Variants in YTHDF3 observed in about 807,000 individuals in gnomAD.
YTHDF3 encodes YTH domain-containing family protein 3.
YTHDF3 carries 9 observed loss-of-function variants against 52.5 expected under a neutral mutation model. The ratio of observed to expected loss-of-function variants is 0.17; its 90% CI spans 0.10 to 0.30. YTHDF3 has a LOEUF of 0.30. Ranked by LOEUF, YTHDF3 falls within the 10% of genes least tolerant of loss-of-function variation. The pLI is 1.00. For synonymous variants in YTHDF3, 274 were observed against 243.3 expected (o/e 1.13, Z -1.18); for missense variants, 534 against 715.0 (o/e 0.75, Z 2.89).
At chr8:63,177,289 A>G (rs968681553) in intron 3 of YTHDF3, among the ~76,000 whole-genome samples, 1 of 152,186 alleles carries the variant, frequency 6.6e-6, no homozygotes, top group African/African-American at 2.4e-5. Context: ...GTTCAACCTC[A>G]TCTACCTCTT....
intron 4 of YTHDF3, among the ~76,000 whole-genome samples, chr8:63,206,372 G>T (rs1810033418): frequency 6.6e-6 from 1 of 152,100 alleles, no homozygotes; most frequent in South Asian, 2.1e-4. Context: ...TGTAACTCCT[G>T]TTCTTTTGCC....
At chr8:63,173,972 T>C (rs1461629743) in intron 2 of YTHDF3, among the ~76,000 whole-genome samples, 1 of 152,160 alleles carries the variant, frequency 6.6e-6, no homozygotes, top group Non-Finnish European at 1.5e-5. Flanking sequence ...CATCATATCT[T>C]TGATCTTTGC....
chr8:63,190,426 T>G (rs1203412695), intron 4 of YTHDF3, among the ~76,000 whole-genome samples: 1 of 152,160 alleles, frequency 6.6e-6, no homozygotes, highest in East Asian at 1.9e-4. Flanking sequence ...AGCTGTATTA[T>G]TATATATATT....
At chr8:63,193,915 G>A (rs553262178) in intron 4 of YTHDF3, among the ~76,000 whole-genome samples, 10 of 152,180 alleles carry the variant, frequency 6.6e-5, no homozygotes, top group Middle Eastern at 3.4e-3. Flanking sequence ...AAGCAGTTTT[G>A]TATTTTCCTG....
Position 63,168,652 on chromosome 8 carries a change from C to G in YTHDF3, c.-226C>G, listed in dbSNP as rs554395869. 659 of 772,464 alleles carry G rather than the reference C, an allele frequency of 8.5e-4. 3 individuals are homozygous for G. The highest frequency in any genetic ancestry group is 3.7e-3 in the South Asian group (212 of 57,664). 47.9% of individuals were successfully genotyped at this position (772,464 alleles called of 1,614,324 possible). A position where few individuals can be genotyped will look rare whatever the true frequency, so the allele number is the denominator to read the frequency against. On this transcript the variant is annotated 5_prime_UTR_variant, in exon 1 of 5. Coordinates refer to ENST00000539294, the MANE Select transcript of YTHDF3 (RefSeq NM_152758.6). Reference sequence around the variant, plus strand: ...AGGGAGTCTGTCCGCCATTGTGGACCCGAGAAGCAGAGAGCGAGAGGGGGA... The same window carrying G: ...AGGGAGTCTGTCCGCCATTGTGGACGCGAGAAGCAGAGAGCGAGAGGGGGA...
rs556907463 is a variant in YTHDF3, at chr8:63,193,984, A to G, written c.1734+6239A>G. Among the ~76,000 whole-genome samples, 4 of 152,210 alleles carry G rather than the reference A, an allele frequency of 2.6e-5. No individual in the cohort carries two copies. The East Asian group carries it at 7.7e-4, about 29-fold the overall frequency. ...AGTTGTTTTCTGGGATACATACCTA[A>G]TAGAAACTTTCATGTATAAGAATGT... is the stretch of plus-strand genomic sequence containing the variant. On this transcript the variant is annotated intron_variant, in intron 4 of 4. Coordinates refer to ENST00000539294, the MANE Select transcript of YTHDF3 (RefSeq NM_152758.6).
intron 3 of YTHDF3, among the ~76,000 whole-genome samples, chr8:63,183,858 G>A (rs73684688): frequency 2.7e-3 from 418 of 152,228 alleles, no homozygotes; most frequent in African/African-American, 9.8e-3. Context: ...AACCCCCAAC[G>A]GATACCAAAA....
rs781136452 is a variant in YTHDF3 at position 63,169,397 on chromosome 8, G to A, written c.35G>A (p.Gly12Glu). Residue 12 changes from glycine (G) to glutamate (E), a missense_variant, in exon 2 of 5, where the codon GGG (glycine) becomes GAG (glutamate). Transcript: ENST00000539294. ...CGTCTTGCAACACAGAGACCTAAAG[G>A]GCAAGGAAATAAAGGTGAGTTTGGA... ...SATSVDQRPK[G>E]QGNKVSVQNG... 3 of 1,601,568 alleles carry A rather than the reference G, an allele frequency of 1.9e-6. No individual in the cohort carries two copies. The highest frequency in any genetic ancestry group is 1.3e-5 in the African/African-American group (1 of 74,706).
At chr8:63,179,954 G>A (rs1399896410) in intron 3 of YTHDF3, among the ~76,000 whole-genome samples, 1 of 151,166 alleles carries the variant, frequency 6.6e-6, no homozygotes, top group African/African-American at 2.4e-5. Flanking sequence ...CCCGGACGGG[G>A]CGGCTGGCCG....
Position 63,210,762 on chromosome 8 carries a change from TA to T in YTHDF3, c.*1057del, listed in dbSNP as rs1336854163. On this transcript the variant is annotated 3_prime_UTR_variant, in exon 5 of 5. Transcript: ENST00000539294. ...TATCTAAGTGAATGTGTTGATGTTT[TA>T]TTGATCAGATCTATATAAGTGGGAA... 7.9e-5 allele frequency: 12 copies of T among 152,616 alleles called. No individual in the cohort carries two copies. Among genetic ancestry groups the T allele is most frequent in the African/African-American group, 2.9e-4 (12 of 41,466 alleles). 9.5% of individuals were successfully genotyped at this position (152,616 alleles called of 1,614,324 possible). A position where few individuals can be genotyped will look rare whatever the true frequency, so the allele number is the denominator to read the frequency against.
Position 63,211,536 on chromosome 8 carries a change from C to A in YTHDF3, c.*1830C>A, listed in dbSNP as rs77594100. 3,126 of 152,454 alleles carry A rather than the reference C, an allele frequency of 0.021. 36 individuals are homozygous for A. Among genetic ancestry groups the A allele is most frequent in the Non-Finnish European group, 0.032 (2,180 of 67,938 alleles). The allele number at this position is 152,454 out of a possible 1,614,324, so 9.4% of individuals were successfully genotyped here. On this transcript the variant is annotated 3_prime_UTR_variant, in exon 5 of 5. Transcript: ENST00000539294. ...AGATGACTGTTGTCATTCTGGAGGTCCTATTAGAGAATATTATAAAAGGGT... is the reference window on the plus strand; with the variant it reads ...AGATGACTGTTGTCATTCTGGAGGTACTATTAGAGAATATTATAAAAGGGT...
In YTHDF3 at chr8:63,192,659, G is replaced by C. The variant is rs1808984339; in HGVS notation, c.1734+4914G>C. On this transcript the variant is annotated intron_variant, in intron 4 of 4. Transcript: ENST00000539294. ...TGTTGATTTTCTCTTTGATATGCTTGTGCTTGCATTTGGACTTCCCAGTAT... is the reference window on the plus strand; with the variant it reads ...TGTTGATTTTCTCTTTGATATGCTTCTGCTTGCATTTGGACTTCCCAGTAT... Among the ~76,000 whole-genome samples the C allele has an allele frequency of 2.0e-5, 3 of 152,118 alleles. No individual in the cohort carries two copies. The South Asian group carries it at 6.2e-4, about 31-fold the overall frequency.
chr8:63,169,520 G>T, intron 2 of YTHDF3, 109 bp downstream of exon 2: 1 of 1,232,296 alleles, frequency 8.1e-7, no homozygotes, highest in East Asian at 2.5e-5. Flanking sequence ...AAAAAATGTA[G>T]GATTAGGGAA....
At chr8:63,171,563 AC>A (rs750090357) in intron 2 of YTHDF3, among the ~76,000 whole-genome samples, 23 of 152,186 alleles carry the variant, frequency 1.5e-4, no homozygotes, top group Admixed American at 8.5e-4. Context: ...TATTTTTATG[AC>A]TGCAGGGAGA....
rs1040967173 is a variant in YTHDF3 at position 63,168,631 on chromosome 8, A to C, written c.-247A>C. 3.0e-6 allele frequency: 2 copies of C among 658,360 alleles called. No homozygotes were observed. Among genetic ancestry groups the C allele is most frequent in the Non-Finnish European group, 5.1e-6 (2 of 388,500 alleles). 40.8% of individuals were successfully genotyped at this position (658,360 alleles called of 1,614,324 possible). On this transcript the variant is annotated 5_prime_UTR_variant, in exon 1 of 5. Transcript: ENST00000539294. The stretch of plus-strand genomic sequence containing the variant: ...GCTCGGAGCGGAAGTGAGACTAGGG[A>C]GTCTGTCCGCCATTGTGGACCCGAG...
chr8:63,188,540 T>C (rs1415856799), intron 4 of YTHDF3, among the ~76,000 whole-genome samples: 1 of 149,622 alleles, frequency 6.7e-6, no homozygotes, highest in African/African-American at 2.5e-5. Flanking sequence ...TTGCCCGGGC[T>C]GGTCTCCTGA....
At position 63,209,671 on chromosome 8, in the gene YTHDF3, T is replaced by C. The variant is rs752237341; in HGVS notation, c.1735-12T>C. ...TAATTCTTTTTGTGTGTGTGTGTTT[T>C]TTTTTTTTCAGGAGAGAAATAGAAA... On this transcript the variant is annotated splice_polypyrimidine_tract_variant and intron_variant, in intron 4 of 4. Transcript: ENST00000539294. 13 of 1,569,250 alleles carry C rather than the reference T, an allele frequency of 8.3e-6. No homozygotes were observed. Among genetic ancestry groups the C allele is most frequent in the Non-Finnish European group, 1.1e-5 (13 of 1,164,814 alleles).
intron 4 of YTHDF3, among the ~76,000 whole-genome samples, 163 bp downstream of exon 4, chr8:63,187,908 TTTC>T (rs1182282552): frequency 2.6e-5 from 4 of 152,148 alleles, no homozygotes; most frequent in East Asian, 3.9e-4. Flanking sequence ...ATATGAACCA[TTTC>T]TTCTTTCCTT....
At chr8:63,172,540 G>A (rs1022744985) in intron 2 of YTHDF3, 61 of 386,768 alleles carry the variant, frequency 1.6e-4, no homozygotes, top group East Asian at 1.2e-3. Context: ...TCGTCCTCCC[G>A]AGAAATGATT....
Sources: gnomAD v4.1 joint callset for allele counts (sites outside exome capture counted in the v4.1 genomes callset) on GRCh38, gnomAD v4.1.1 for gene constraint, MANE v1.5 for transcripts, NCBI Gene and HGNC (gene_info 2026-07-23, HGNC 2026-07-21) for gene names.